The following AGAP1 variants were observed in gnomAD, a reference collection of about 807,000 sequenced individuals.
AGAP1 encodes ArfGAP with GTPase domain, ankyrin repeat and PH domain 1, also known as arf-GAP with GTPase, ANK repeat and PH domain-containing protein 1.
A neutral mutation model predicts 105.3 loss-of-function variants in AGAP1; 29 were observed. The ratio of observed to expected loss-of-function variants is 0.28; its 90% CI spans 0.21 to 0.38. AGAP1 has a LOEUF of 0.38. AGAP1 is among the 10% of genes least tolerant of loss of function. The probability of loss-of-function intolerance (pLI) is 1.00; values close to 1 mark genes in which losing one functional copy is unlikely to be tolerated. For synonymous variants in AGAP1, 509 were observed against 485.9 expected, an observed-to-expected ratio of 1.05 and a Z score of -0.63; for missense variants, 998 against 1,165.1, an observed-to-expected ratio of 0.86 and a Z score of 2.09.
chr2:235,789,283 C>G lies in AGAP1; in HGVS notation c.674-8476C>G, dbSNP rs12469161. Among the ~76,000 whole-genome samples the G allele has an allele frequency of 0.26, 39,184 of 151,982 alleles. 5,377 individuals are homozygous for G. Among genetic ancestry groups the G allele is most frequent in the Admixed American group, 0.39 (6,015 of 15,246 alleles). ...CCTAGACATGGTAGAAATTTCCCCT[C>G]ATTCTAAAATTCTGAAATTAACGTC... On this transcript the variant is annotated intron_variant, in intron 6 of 17. Transcript: ENST00000304032. This position sits in a 1 kb window ranked among gnomAD's most constrained non-coding sequence, Gnocchi z 4.2.
rs530330592 is a variant in AGAP1 at position 235,663,479 on chromosome 2, T to C, written c.164-45700T>C. Among the ~76,000 whole-genome samples, 26 of 152,106 alleles carry C rather than the reference T, an allele frequency of 1.7e-4. No homozygotes were observed. The highest frequency in any genetic ancestry group is 5.3e-4 in the African/African-American group (22 of 41,496). On this transcript the variant is annotated intron_variant, in intron 1 of 17. Transcript: ENST00000304032. This position sits in a 1 kb window ranked among gnomAD's most constrained non-coding sequence, Gnocchi z 5.4. ...GCACAGATAAAAGAGTTTTCAGATA[T>C]CTCTGCAGCCAAATCCCAAATGGGA... is the stretch of plus-strand genomic sequence containing the variant.
rs1947226685 is a variant in AGAP1 at position 235,642,359 on chromosome 2, A to G, written c.164-66820A>G. ...GGGACCTGGGGCTGCACCCACTGGCATTGATTAGAAGAGAGCTTGTGACTG... is the reference window on the plus strand; with the variant it reads ...GGGACCTGGGGCTGCACCCACTGGCGTTGATTAGAAGAGAGCTTGTGACTG... On this transcript the variant is annotated intron_variant, in intron 1 of 17. Coordinates refer to ENST00000304032, the MANE Select transcript of AGAP1 (RefSeq NM_001037131.3). This position sits in a 1 kb window ranked among gnomAD's most constrained non-coding sequence, Gnocchi z 4.1. Among the ~76,000 whole-genome samples the G allele has an allele frequency of 6.6e-6, 1 of 152,220 alleles. No homozygotes were observed. The highest frequency in any genetic ancestry group is 1.5e-5 in the Non-Finnish European group (1 of 68,052).
chr2:235,722,509 T>A (rs1191821923), intron 3 of AGAP1, among the ~76,000 whole-genome samples: 1 of 152,190 alleles, frequency 6.6e-6, no homozygotes, highest in Admixed American at 6.5e-5. Context: ...CCATGCTGTT[T>A]CTTGGCTCAT....
In AGAP1 at chr2:235,769,647, A is replaced by G. The variant is rs1278447196; in HGVS notation, c.673+19159A>G. On this transcript the variant is annotated intron_variant, in intron 6 of 17. Transcript: ENST00000304032. This position sits in a 1 kb window ranked among gnomAD's most constrained non-coding sequence, Gnocchi z 4.4. ...CATTCAGAGGAAATCCTTCCAACAC[A>G]ATATACAATTAATTGCTGTAAAATA... is the stretch of plus-strand genomic sequence containing the variant. 6.6e-6 allele frequency among the ~76,000 whole-genome samples: 1 copy of G among 152,190 alleles called. No homozygotes were observed. Among genetic ancestry groups the G allele is most frequent in the African/African-American group, 2.4e-5 (1 of 41,442 alleles).
intron 9 of AGAP1, among the ~76,000 whole-genome samples, chr2:235,822,127 A>G (rs1340315231): frequency 6.6e-6 from 1 of 152,222 alleles, no homozygotes; most frequent in Non-Finnish European, 1.5e-5. Flanking sequence ...AAAGTTAGGG[A>G]TGAATGTCTT....
Position 236,104,690 on chromosome 2 carries a change from T to G in AGAP1, c.2115-15502T>G, listed in dbSNP as rs2059441587. Among the ~76,000 whole-genome samples, 1 of 152,092 alleles carries G rather than the reference T, an allele frequency of 6.6e-6. No homozygotes were observed. Among genetic ancestry groups the G allele is most frequent in the African/African-American group, 2.4e-5 (1 of 41,426 alleles). ...TGGATCACAAGGGCAGGAGGTCAAG[T>G]CTAGCCTGGCCAACATGGTGAAACC... On this transcript the variant is annotated intron_variant, in intron 16 of 17. Transcript: ENST00000304032. This position sits in a 1 kb window ranked among gnomAD's most constrained non-coding sequence, Gnocchi z 4.7.
chr2:236,093,572 G>T (rs1256252948), intron 16 of AGAP1, among the ~76,000 whole-genome samples: 1 of 152,218 alleles, frequency 6.6e-6, no homozygotes, highest in African/African-American at 2.4e-5. Flanking sequence ...GAAGAGTAGG[G>T]TTTGGAAGGG....
At chr2:235,928,575 T>C (rs936351610) in intron 11 of AGAP1, among the ~76,000 whole-genome samples, 8 of 152,270 alleles carry the variant, frequency 5.3e-5, no homozygotes, top group Middle Eastern at 3.4e-3. Flanking sequence ...GCAGCCCATA[T>C]GGGTGCCTTC....
intron 9 of AGAP1, among the ~76,000 whole-genome samples, chr2:235,871,415 C>T (rs189324404): frequency 1.7e-3 from 265 of 152,282 alleles, no homozygotes; most frequent in African/African-American, 5.5e-3. Flanking sequence ...CATCCCCCTG[C>T]GTGGGGTGGC....
At position 235,976,919 on chromosome 2, in the gene AGAP1, C is replaced by G. The variant is rs964846360; in HGVS notation, c.1645+8296C>G. 6.6e-6 allele frequency among the ~76,000 whole-genome samples: 1 copy of G among 152,184 alleles called. No homozygotes were observed. Among genetic ancestry groups the G allele is most frequent in the African/African-American group, 2.4e-5 (1 of 41,436 alleles). On this transcript the variant is annotated intron_variant, in intron 13 of 17. Coordinates refer to ENST00000304032, the MANE Select transcript of AGAP1 (RefSeq NM_001037131.3). The surrounding 1 kb of genome is among the most constrained non-coding windows in gnomAD (Gnocchi z 4.5). Reference sequence around the variant, plus strand: ...GGTGGCTTGGAGCTCCTGGGGGTACCTAGGCAACTCCTGACGCCACAGACA... The same window carrying G: ...GGTGGCTTGGAGCTCCTGGGGGTACGTAGGCAACTCCTGACGCCACAGACA...
intron 9 of AGAP1, among the ~76,000 whole-genome samples, chr2:235,825,879 A>G (rs1959034305): frequency 6.6e-6 from 1 of 152,224 alleles, no homozygotes; most frequent in African/African-American, 2.4e-5. Context: ...ATTGTTTGTA[A>G]CCCAATGGAT....
intron 11 of AGAP1, among the ~76,000 whole-genome samples, chr2:235,921,772 G>T (rs2052192857): frequency 6.6e-6 from 1 of 152,100 alleles, no homozygotes; most frequent in Non-Finnish European, 1.5e-5. Context: ...TACAAAACAA[G>T]TATCACAGGA....
At chr2:236,111,936 C>A (rs952218921) in intron 16 of AGAP1, among the ~76,000 whole-genome samples, 1 of 152,156 alleles carries the variant, frequency 6.6e-6, no homozygotes, top group East Asian at 1.9e-4. Context: ...TTGGAGTCAT[C>A]GGCAGTGTTG....
At chr2:235,765,498 T>A (rs1954875416) in intron 6 of AGAP1, among the ~76,000 whole-genome samples, 1 of 152,132 alleles carries the variant, frequency 6.6e-6, no homozygotes, top group Non-Finnish European at 1.5e-5. Flanking sequence ...AGCTGAACAC[T>A]GTTCGTTTGG....
Position 235,503,564 on chromosome 2 carries a change from A to G in AGAP1, c.163+8715A>G, listed in dbSNP as rs80256469. Among the ~76,000 whole-genome samples, 1,399 of 152,232 alleles carry G rather than the reference A, an allele frequency of 9.2e-3. 22 individuals are homozygous for G. The highest frequency in any genetic ancestry group is 0.066 in the East Asian group (339 of 5,170). On this transcript the variant is annotated intron_variant, in intron 1 of 17. Coordinates refer to ENST00000304032, the MANE Select transcript of AGAP1 (RefSeq NM_001037131.3). ...GAATTGGTGGGATTGAGACCACTTC[A>G]AACTCTTTTATTTCTTGGAACTTGT...
At chr2:235,567,692 T>A (rs1048978035) in intron 1 of AGAP1, among the ~76,000 whole-genome samples, 2 of 115,526 alleles carry the variant, frequency 1.7e-5, no homozygotes, top group African/African-American at 6.6e-5. Context: ...GAGAAGGGGC[T>A]GCAGGGGAAG....
chr2:235,852,075 AAAG>A (rs1216630864), intron 9 of AGAP1, among the ~76,000 whole-genome samples: 1 of 152,200 alleles, frequency 6.6e-6, no homozygotes, highest in Non-Finnish European at 1.5e-5. Context: ...CAGGAACTGA[AAAG>A]AAGGTCAGGC....
At chr2:235,579,082 T>G (rs924802719) in intron 1 of AGAP1, among the ~76,000 whole-genome samples, 1 of 152,224 alleles carries the variant, frequency 6.6e-6, no homozygotes, top group African/African-American at 2.4e-5. Flanking sequence ...ATTATCACCA[T>G]GAAGCAGCCT....
chr2:235,979,100 T>TACATAAA lies in AGAP1; in HGVS notation c.1645+10477_1645+10478insACATAAA, dbSNP rs2054981340. Among the ~76,000 whole-genome samples the TACATAAA allele has an allele frequency of 6.6e-6, 1 of 151,928 alleles. No individual in the cohort carries two copies. Among genetic ancestry groups the TACATAAA allele is most frequent in the Non-Finnish European group, 1.5e-5 (1 of 68,004 alleles). On this transcript the variant is annotated intron_variant, in intron 13 of 17. Transcript: ENST00000304032. This position sits in a 1 kb window ranked among gnomAD's most constrained non-coding sequence, Gnocchi z 4.5. The stretch of plus-strand genomic sequence containing the variant: ...TTGATATGCTTTTTCTTTTTTTGGA[T>TACATAAA]GACAGAAGTGTATTTGTGGGGTTTT...
Sources: gnomAD v4.1 joint callset for allele counts (sites outside exome capture counted in the v4.1 genomes callset) on GRCh38, gnomAD v4.1.1 for gene constraint, Gnocchi (gnomAD v3.1) non-coding constraint, MANE v1.5 for transcripts, NCBI Gene and HGNC (gene_info 2026-07-23, HGNC 2026-07-21) for gene names.